The following RALGPS1 variants were observed in gnomAD, a reference collection of about 807,000 sequenced individuals.
The protein encoded by RALGPS1 is Ral GEF with PH domain and SH3 binding motif 1, also known as ras-specific guanine nucleotide-releasing factor RalGPS1.
Under a neutral mutation model 78.8 loss-of-function variants are expected in RALGPS1, and 19 were observed. The observed-to-expected ratio is 0.24, with a 90% CI of 0.17 to 0.35. The LOEUF (loss-of-function observed/expected upper bound fraction) is 0.35, where lower values mean the gene tolerates loss of function less well. RALGPS1 is among the 10% of genes least tolerant of loss of function. The pLI, the probability that RALGPS1 is intolerant of heterozygous loss-of-function variation, is 1.00. For synonymous variants in RALGPS1, 228 were observed against 256.3 expected, an observed-to-expected ratio of 0.89 and a Z score of 1.06; for missense variants, 454 against 688.3, an observed-to-expected ratio of 0.66 and a Z score of 3.81.
At chr9:127,019,113 C>T (rs911935318) in intron 4 of RALGPS1, among the ~76,000 whole-genome samples, 5 of 152,078 alleles carry the variant, frequency 3.3e-5, no homozygotes, top group Admixed American at 6.5e-5. Flanking sequence ...ATAGGCCTTT[C>T]GCAACCAGGA....
intron 8 of RALGPS1, among the ~76,000 whole-genome samples, chr9:127,120,480 C>T (rs576484259): frequency 6.6e-6 from 1 of 152,292 alleles, no homozygotes; most frequent in East Asian, 1.9e-4. Context: ...ATCTCTGTCT[C>T]GTGGGATTTT....
intron 8 of RALGPS1, among the ~76,000 whole-genome samples, chr9:127,117,839 T>C (rs1326235199): frequency 6.6e-6 from 1 of 152,202 alleles, no homozygotes; most frequent in Non-Finnish European, 1.5e-5. Context: ...ACTTTAAGGA[T>C]TCTTGGAGCT....
At position 127,122,831 on chromosome 9, in the gene RALGPS1, C is replaced by T. The variant is rs994655227; in HGVS notation, c.611-43238C>T. 2.0e-5 allele frequency: 3 copies of T among 152,434 alleles called. No individual in the cohort carries two copies. Among genetic ancestry groups the T allele is most frequent in the African/African-American group, 7.2e-5 (3 of 41,460 alleles). 9.4% of individuals were successfully genotyped at this position (152,434 alleles called of 1,614,324 possible). ...GGTGATGTCACACGAGCTCCGGCCC[C>T]AGCTGGCCTGGCCCCTCCCGCCCAG... On this transcript the variant is annotated intron_variant, in intron 8 of 18. Coordinates refer to ENST00000259351, the MANE Select transcript of RALGPS1 (RefSeq NM_014636.3). The surrounding 1 kb of genome is among the most constrained non-coding windows in gnomAD (Gnocchi z 6.4).
At chr9:127,078,082 A>G (rs1589344451) in intron 8 of RALGPS1, among the ~76,000 whole-genome samples, 1 of 151,934 alleles carries the variant, frequency 6.6e-6, no homozygotes, top group African/African-American at 2.4e-5. Context: ...TAGGCATTCA[A>G]CCCTCTCTGG....
rs1183221272 is a variant in RALGPS1, at chr9:127,220,557, C to T, written c.*1788C>T. The T allele has an allele frequency of 6.6e-6, 1 of 152,210 alleles. No individual in the cohort carries two copies. Among genetic ancestry groups the T allele is most frequent in the Non-Finnish European group, 1.5e-5 (1 of 68,040 alleles). 9.4% of individuals were successfully genotyped at this position (152,210 alleles called of 1,614,324 possible). A position where few individuals can be genotyped will look rare whatever the true frequency, so the allele number is the denominator to read the frequency against. On this transcript the variant is annotated 3_prime_UTR_variant, in exon 19 of 19. Transcript: ENST00000259351. The stretch of plus-strand genomic sequence containing the variant: ...CCATCAAACCTTGACACCGGGTGCT[C>T]TGCACACCCACGCGGATGTTGCACC...
At chr9:127,050,191 CA>C in intron 6 of RALGPS1, 59 bp downstream of exon 6, 1 of 1,328,578 alleles carries the variant, frequency 7.5e-7, no homozygotes, top group Non-Finnish European at 1.1e-6. Context: ...ACCTCCTCCC[CA>C]AAAATATGTT....
intron 6 of RALGPS1, among the ~76,000 whole-genome samples, chr9:127,051,786 C>T (rs10987553): frequency 0.41 from 62,467 of 152,006 alleles, 14,645 homozygotes; most frequent in Non-Finnish European, 0.51. Flanking sequence ...AACTTTGTCC[C>T]TGCTCTCGGG....
At chr9:127,088,152 C>G (rs1256557333) in intron 8 of RALGPS1, 1 of 152,270 alleles carries the variant, frequency 6.6e-6, no homozygotes, top group East Asian at 1.9e-4. Flanking sequence ...TGGCCAGGGA[C>G]TGACACACAG....
At chr9:126,936,179 G>A (rs1045499694) in intron 1 of RALGPS1, among the ~76,000 whole-genome samples, 1 of 152,336 alleles carries the variant, frequency 6.6e-6, no homozygotes, top group East Asian at 1.9e-4. Flanking sequence ...AGTCTGTTGT[G>A]AACAGGGGAT....
intron 5 of RALGPS1, among the ~76,000 whole-genome samples, chr9:127,036,185 G>A (rs941088657): frequency 3.9e-5 from 6 of 152,240 alleles, no homozygotes; most frequent in Non-Finnish European, 7.3e-5. Flanking sequence ...AGTGCTCTGG[G>A]AAATGGTCTT....
chr9:127,094,009 C>T, intron 8 of RALGPS1: 1 of 1,496,212 alleles, frequency 6.7e-7, no homozygotes, highest in Non-Finnish European at 9.1e-7. Flanking sequence ...CAGGCACAAC[C>T]TCTGTTGAGG....
At chr9:126,955,095 A>C (rs533808966) in intron 1 of RALGPS1, among the ~76,000 whole-genome samples, 3 of 152,226 alleles carry the variant, frequency 2.0e-5, no homozygotes, top group Non-Finnish European at 4.4e-5. Context: ...TCGCATCTGT[A>C]GAGAGTCCTT....
chr9:127,209,409 C>T (rs2062112108), intron 14 of RALGPS1, among the ~76,000 whole-genome samples: 1 of 152,232 alleles, frequency 6.6e-6, no homozygotes, highest in Non-Finnish European at 1.5e-5. Context: ...TGCTGCACTC[C>T]ACCCCTCTTT....
chr9:127,041,537 CTAGTATGTGTG>C (rs577335532), intron 5 of RALGPS1, among the ~76,000 whole-genome samples: 41 of 152,284 alleles, frequency 2.7e-4, no homozygotes, highest in African/African-American at 9.6e-4. Flanking sequence ...TTTAGGCATT[CTAGTATGTGTG>C]TAGTAATCTT....
intron 8 of RALGPS1, chr9:127,093,825 A>G: frequency 6.2e-7 from 1 of 1,614,038 alleles, no homozygotes; most frequent in Non-Finnish European, 8.5e-7. Context: ...CTCTGGTCGC[A>G]CCACACCTGC....
chr9:126,972,258 A>T (rs1002619972), intron 3 of RALGPS1, among the ~76,000 whole-genome samples: 1 of 152,226 alleles, frequency 6.6e-6, no homozygotes, highest in Non-Finnish European at 1.5e-5. Flanking sequence ...ATTGAAACTC[A>T]TCAAGCAATG....
chr9:127,092,809 A>G, intron 8 of RALGPS1, among the ~76,000 whole-genome samples: 1 of 152,058 alleles, frequency 6.6e-6, no homozygotes, highest in East Asian at 1.9e-4. Context: ...AGGAGAAAAA[A>G]GCAGAGACAC....
At chr9:127,106,779 G>A (rs576242664) in intron 8 of RALGPS1, 1 of 152,348 alleles carries the variant, frequency 6.6e-6, no homozygotes, top group Non-Finnish European at 1.5e-5. Flanking sequence ...CTGCACTCAG[G>A]TTCAGCCCCT....
chr9:127,125,050 G>A (rs1447434927), intron 8 of RALGPS1, among the ~76,000 whole-genome samples: 1 of 152,174 alleles, frequency 6.6e-6, no homozygotes, highest in Non-Finnish European at 1.5e-5. Context: ...TTGGGCACTG[G>A]GGAGCTCAGG....
Sources: gnomAD v4.1 joint callset for allele counts (sites outside exome capture counted in the v4.1 genomes callset) on GRCh38, gnomAD v4.1.1 for gene constraint, Gnocchi (gnomAD v3.1) non-coding constraint, MANE v1.5 for transcripts, NCBI Gene and HGNC (gene_info 2026-07-23, HGNC 2026-07-21) for gene names.